The following BORCS5 variants were observed in gnomAD, a reference collection of about 807,000 sequenced individuals.
BORCS5 encodes BLOC-1 related complex subunit 5.
In BORCS5, 17 loss-of-function variants were observed where a neutral mutation model predicts 22.1. The observed-to-expected ratio is 0.77, with a 90% CI of 0.53 to 1.15. BORCS5 has a LOEUF of 1.15. BORCS5 is among the 50% of genes most tolerant of loss of function. The pLI is 0.00. For synonymous variants in BORCS5, 117 were observed against 99.8 expected (o/e 1.17, Z -1.03); for missense variants, 247 against 253.2 (o/e 0.98, Z 0.17).
chr12:12,451,756 A>G (rs1277311545), intron 3 of BORCS5, among the ~76,000 whole-genome samples: 2 of 151,710 alleles, frequency 1.3e-5, no homozygotes, highest in East Asian at 3.9e-4. Flanking sequence ...TTTTTGTACT[A>G]AAAGTACAAA....
chr12:12,415,487 C>G (rs368787943), intron 2 of BORCS5, among the ~76,000 whole-genome samples: 4 of 139,700 alleles, frequency 2.9e-5, no homozygotes, highest in African/African-American at 5.4e-5. Context: ...TGCAGTGAGC[C>G]GAGATGGCAG....
chr12:12,458,317 C>T lies in BORCS5; in HGVS notation c.361-7229C>T, dbSNP rs555289994. On this transcript the variant is annotated intron_variant, in intron 3 of 3. Coordinates refer to ENST00000314565, the MANE Select transcript of BORCS5 (RefSeq NM_058169.6). ...CCTGAGCCTCTAACCCATTTCTAGC[C>T]CATATTTCCCCCTCAAGAACAATAA... 1.4e-3 allele frequency among the ~76,000 whole-genome samples: 218 copies of T among 152,160 alleles called. 2 individuals are homozygous for T. The South Asian group carries it at 0.021, about 14-fold the overall frequency.
Position 12,401,305 on chromosome 12 carries a change from C to T in BORCS5, c.203-34323C>T, listed in dbSNP as rs11054881. Among the ~76,000 whole-genome samples the T allele has an allele frequency of 2.6e-4, 40 of 152,198 alleles. No homozygotes were observed. In the East Asian group the frequency reaches 4.2e-3, roughly 16 times the overall value. ...ATTAGAGTTCCTGTTGTTCCACATC[C>T]TCAGTAAAACCGGATATTGTCCCAG... On this transcript the variant is annotated intron_variant, in intron 2 of 3. Coordinates refer to ENST00000314565, the MANE Select transcript of BORCS5 (RefSeq NM_058169.6).
chr12:12,377,866 T>C (rs1863689706), intron 2 of BORCS5, among the ~76,000 whole-genome samples: 1 of 152,134 alleles, frequency 6.6e-6, no homozygotes, highest in South Asian at 2.1e-4. Flanking sequence ...ATGCAGGCAG[T>C]AAAGATTTAG....
intron 3 of BORCS5, among the ~76,000 whole-genome samples, chr12:12,438,647 A>AC (rs761616379): frequency 1.6e-4 from 25 of 152,294 alleles, no homozygotes; most frequent in Non-Finnish European, 3.1e-4. Context: ...ACTGAAGAAG[A>AC]CAGGGTAAAA....
chr12:12,376,281 T>A (rs957887042), intron 2 of BORCS5, among the ~76,000 whole-genome samples: 9 of 151,116 alleles, frequency 6.0e-5, no homozygotes, highest in Non-Finnish European at 1.3e-4. Context: ...TTGCCCAGGC[T>A]GGAGTGCAGT....
In BORCS5 at chr12:12,362,651, T is replaced by C. The variant is rs569996646; in HGVS notation, c.202+1302T>C. On this transcript the variant is annotated intron_variant, in intron 2 of 3. Transcript: ENST00000314565. ...TGTTACTCATCTTTTTTTTTTTTTT[T>C]TTTTTTTTTTTAGAGTTTTGCTCTG... Among the ~76,000 whole-genome samples the C allele has an allele frequency of 3.7e-3, 532 of 142,758 alleles. 3 individuals are homozygous for C. Among genetic ancestry groups the C allele is most frequent in the African/African-American group, 0.013 (507 of 39,098 alleles). 93.7% of individuals were successfully genotyped at this position (142,758 alleles called of 152,430 possible).
chr12:12,458,845 G>A (rs908045568), intron 3 of BORCS5, among the ~76,000 whole-genome samples: 9 of 151,044 alleles, frequency 6.0e-5, no homozygotes, highest in African/African-American at 2.2e-4. Flanking sequence ...GGTAGCACAC[G>A]CCTGTAATCC....
chr12:12,370,099 TACACACACACAC>T (rs56408181), intron 2 of BORCS5, among the ~76,000 whole-genome samples: 48 of 145,406 alleles, frequency 3.3e-4, no homozygotes, highest in Admixed American at 5.6e-4. Flanking sequence ...AGTGGTTTTA[TACACACACACAC>T]ACACACACAC....
chr12:12,386,879 ATT>A (rs1213958562), intron 2 of BORCS5, among the ~76,000 whole-genome samples: 1 of 150,542 alleles, frequency 6.6e-6, no homozygotes, highest in Non-Finnish European at 1.5e-5. Context: ...TTGGGTTATT[ATT>A]TTTATGTATG....
At chr12:12,427,000 G>T (rs139026522) in intron 2 of BORCS5, among the ~76,000 whole-genome samples, 2 of 151,988 alleles carry the variant, frequency 1.3e-5, no homozygotes, top group Non-Finnish European at 1.5e-5. Flanking sequence ...GACTGCCGTT[G>T]CCCCCTCGAG....
At chr12:12,372,338 C>G (rs1361596897) in intron 2 of BORCS5, among the ~76,000 whole-genome samples, 1 of 152,062 alleles carries the variant, frequency 6.6e-6, no homozygotes, top group African/African-American at 2.4e-5. Context: ...TTAAAATTTA[C>G]TTACTAATTT....
At chr12:12,449,490 G>A (rs554166694) in intron 3 of BORCS5, among the ~76,000 whole-genome samples, 10 of 152,152 alleles carry the variant, frequency 6.6e-5, no homozygotes, top group Non-Finnish European at 1.3e-4. Flanking sequence ...CTGCTTAAAG[G>A]TTTTAGGATT....
chr12:12,423,556 T>C (rs76970984), intron 2 of BORCS5, among the ~76,000 whole-genome samples: 10,624 of 148,958 alleles, frequency 0.071, 542 homozygotes, highest in East Asian at 0.25. Flanking sequence ...TTGTTTTTTG[T>C]TTTTTTTTCT....
intron 2 of BORCS5, among the ~76,000 whole-genome samples, chr12:12,388,572 A>G (rs1245516841): frequency 6.6e-6 from 1 of 151,182 alleles, no homozygotes. Flanking sequence ...TAATGAAACA[A>G]TTGTGTTAGT....
intron 3 of BORCS5, among the ~76,000 whole-genome samples, chr12:12,464,753 C>T (rs1259702333): frequency 1.3e-5 from 2 of 152,080 alleles, no homozygotes; most frequent in African/African-American, 2.4e-5. Context: ...AAGGGCAGCC[C>T]AGAGCCCGCA....
chr12:12,361,425 CCAT>C, intron 2 of BORCS5, 76 bp downstream of exon 2: 1 of 1,511,766 alleles, frequency 6.6e-7, no homozygotes, highest in South Asian at 1.2e-5. Context: ...CTCTACTTAT[CCAT>C]GTATCTTGCT....
intron 2 of BORCS5, among the ~76,000 whole-genome samples, chr12:12,388,999 T>C (rs1863941876): frequency 6.6e-6 from 1 of 151,098 alleles, no homozygotes; most frequent in African/African-American, 2.4e-5. Context: ...TTTGGTGACA[T>C]TCCTTGAGTC....
intron 2 of BORCS5, among the ~76,000 whole-genome samples, chr12:12,423,700 G>GTTTGTTTGT (rs1555153417): frequency 2.6e-5 from 4 of 151,374 alleles, no homozygotes; most frequent in Admixed American, 1.3e-4. Flanking sequence ...CTTTTTGTTT[G>GTTTGTTTGT]TTTTTTGAGA....
Sources: gnomAD v4.1 joint callset for allele counts (sites outside exome capture counted in the v4.1 genomes callset) on GRCh38, gnomAD v4.1.1 for gene constraint, MANE v1.5 for transcripts, NCBI Gene and HGNC (gene_info 2026-07-23, HGNC 2026-07-21) for gene names.